Variants in LSAMP observed in about 807,000 individuals in gnomAD.
LSAMP encodes limbic system associated membrane protein.
Under a neutral mutation model 38.6 loss-of-function variants are expected in LSAMP, and 7 were observed. The ratio of observed to expected loss-of-function variants is 0.18; its 90% CI spans 0.10 to 0.34. The LOEUF is 0.34. LSAMP is among the 10% of genes least tolerant of loss of function. The pLI is 1.00. For synonymous variants in LSAMP, 154 were observed against 166.8 expected (o/e 0.92, Z 0.59); for missense variants, 313 against 420.0 (o/e 0.75, Z 2.23).
chr3:115,988,998 T>A (rs1012933689), intron 3 of LSAMP, among the ~76,000 whole-genome samples: 4 of 152,056 alleles, frequency 2.6e-5, no homozygotes, highest in African/African-American at 9.7e-5. Flanking sequence ...TTTTTCTAAA[T>A]GAGAGGAGCA....
intron 1 of LSAMP, among the ~76,000 whole-genome samples, chr3:116,332,891 A>G (rs1386904714): frequency 6.6e-6 from 1 of 152,084 alleles, no homozygotes; most frequent in East Asian, 1.9e-4. Context: ...TTTATAAGAA[A>G]TAACAAAGGG....
intron 1 of LSAMP, among the ~76,000 whole-genome samples, chr3:116,247,068 G>A (rs1189441012): frequency 1.3e-5 from 2 of 152,142 alleles, no homozygotes; most frequent in Non-Finnish European, 2.9e-5. Context: ...AAATTACATA[G>A]AACAGTATGG....
At chr3:116,159,141 G>A (rs1042444401) in intron 1 of LSAMP, among the ~76,000 whole-genome samples, 2 of 151,964 alleles carry the variant, frequency 1.3e-5, no homozygotes, top group Non-Finnish European at 2.9e-5. Flanking sequence ...AAAACCTAAA[G>A]CTATAAAAAT....
chr3:115,833,120 C>A (rs917722076), intron 6 of LSAMP, among the ~76,000 whole-genome samples: 2 of 152,056 alleles, frequency 1.3e-5, no homozygotes, highest in Non-Finnish European at 2.9e-5. Flanking sequence ...GGTACAAATG[C>A]GTATGTGTGT....
intron 1 of LSAMP, among the ~76,000 whole-genome samples, chr3:116,204,040 C>G (rs2046029161): frequency 1.3e-5 from 2 of 151,580 alleles, no homozygotes; most frequent in South Asian, 2.1e-4. Flanking sequence ...GTTCCTATTT[C>G]TCCACATCCT....
In LSAMP at chr3:116,236,116, T is replaced by C. The variant is rs140261370; in HGVS notation, c.156-149560A>G. Reference sequence around the variant, plus strand: ...TGAGACACAATGGAGCCTGATTCATTGGTAACTAGGAAAAAAACCCAACTT... The same window carrying C: ...TGAGACACAATGGAGCCTGATTCATCGGTAACTAGGAAAAAAACCCAACTT... On this transcript the variant is annotated intron_variant, in intron 1 of 6. Coordinates refer to ENST00000490035, the MANE Select transcript of LSAMP (RefSeq NM_002338.5). Among the ~76,000 whole-genome samples, 291 of 152,282 alleles carry C rather than the reference T, an allele frequency of 1.9e-3. 4 individuals carry two copies. Among genetic ancestry groups the C allele is most frequent in the African/African-American group, 6.8e-3 (283 of 41,578 alleles).
intron 1 of LSAMP, among the ~76,000 whole-genome samples, chr3:116,294,644 C>T (rs1035767987): frequency 1.1e-4 from 17 of 151,986 alleles, no homozygotes; most frequent in Non-Finnish European, 7.4e-5. Context: ...TAACACACAA[C>T]GTTACAAGCT....
At position 116,062,515 on chromosome 3, in the gene LSAMP, CA is replaced by C. The variant is rs921882530; in HGVS notation, c.388+23808del. ...TGGGCGACAGAGCGAGACTCCCTCTCAAAAAAAAATTAAAAATTAAAAAGTA... is the reference window on the plus strand; with the variant it reads ...TGGGCGACAGAGCGAGACTCCCTCTCAAAAAAAATTAAAAATTAAAAAGTA... On this transcript the variant is annotated intron_variant, in intron 2 of 6. Coordinates refer to ENST00000490035, the MANE Select transcript of LSAMP (RefSeq NM_002338.5). Among the ~76,000 whole-genome samples the C allele has an allele frequency of 8.0e-5, 12 of 150,752 alleles. No individual in the cohort carries two copies. The East Asian group carries it at 1.4e-3, about 17-fold the overall frequency.
At chr3:116,205,931 G>A (rs1168922052) in intron 1 of LSAMP, among the ~76,000 whole-genome samples, 1 of 145,740 alleles carries the variant, frequency 6.9e-6, no homozygotes, top group Non-Finnish European at 1.5e-5. Flanking sequence ...ATGAGTTAGG[G>A]AGGATTCCCT....
chr3:116,126,903 G>A (rs1472711907), intron 1 of LSAMP, among the ~76,000 whole-genome samples: 2 of 152,114 alleles, frequency 1.3e-5, no homozygotes, highest in Non-Finnish European at 2.9e-5. Context: ...AGGGAGATGA[G>A]GAAATTATGT....
intron 1 of LSAMP, among the ~76,000 whole-genome samples, chr3:116,442,140 C>G (rs1018844822): frequency 4.6e-5 from 7 of 152,126 alleles, no homozygotes; most frequent in African/African-American, 1.4e-4. Context: ...CACTAAAGAT[C>G]ATAATTATAC....
intron 1 of LSAMP, among the ~76,000 whole-genome samples, chr3:116,273,276 G>T (rs2046998177): frequency 6.6e-6 from 1 of 151,890 alleles, no homozygotes. Context: ...CTTCCAAGTT[G>T]ATTCCCTGTG....
intron 1 of LSAMP, among the ~76,000 whole-genome samples, chr3:116,435,755 C>T (rs940006659): frequency 2.0e-5 from 3 of 152,126 alleles, no homozygotes; most frequent in African/African-American, 7.2e-5. Context: ...AATAAATCTA[C>T]AAGGACTATA....
intron 6 of LSAMP, among the ~76,000 whole-genome samples, chr3:115,841,358 C>T (rs79394248): frequency 1.8e-4 from 28 of 152,278 alleles, no homozygotes; most frequent in African/African-American, 6.3e-4. Flanking sequence ...TCCACCCTTC[C>T]TCTTGTGTTG....
chr3:116,059,091 T>C (rs1941546595), intron 2 of LSAMP, among the ~76,000 whole-genome samples: 1 of 152,212 alleles, frequency 6.6e-6, no homozygotes, highest in South Asian at 2.1e-4. Context: ...AGCTGCAAAG[T>C]TGCAAATGAT....
intron 2 of LSAMP, among the ~76,000 whole-genome samples, chr3:116,048,581 CA>C (rs1244769559): frequency 6.6e-6 from 1 of 152,154 alleles, no homozygotes; most frequent in Non-Finnish European, 1.5e-5. Context: ...GTAAATCTAA[CA>C]AGTCTTTTGT....
chr3:116,319,768 C>T (rs72950135), intron 1 of LSAMP, among the ~76,000 whole-genome samples: 12,203 of 150,806 alleles, frequency 0.081, 824 homozygotes, highest in African/African-American at 0.18. Context: ...AAAGCACAGG[C>T]GCTTGTAATC....
intron 1 of LSAMP, among the ~76,000 whole-genome samples, chr3:116,422,661 G>T (rs2049143302): frequency 6.6e-6 from 1 of 152,178 alleles, no homozygotes; most frequent in Non-Finnish European, 1.5e-5. Flanking sequence ...AAACTAGATT[G>T]TGATGATGGC....
At position 115,887,036 on chromosome 3, in the gene LSAMP, C is replaced by G. The variant is rs1304071102; in HGVS notation, c.515-34419G>C. ...CTATGCCAGCATCAGCAATAATTAA[C>G]ATACAAGGCATTTTATATGTTCTCG... On this transcript the variant is annotated intron_variant, in intron 3 of 6. Coordinates refer to ENST00000490035, the MANE Select transcript of LSAMP (RefSeq NM_002338.5). Among the ~76,000 whole-genome samples, 3 of 151,932 alleles carry G rather than the reference C, an allele frequency of 2.0e-5. No individual in the cohort carries two copies. In the East Asian group the frequency reaches 5.8e-4, roughly 29 times the overall value.
Sources: allele counts gnomAD v4.1 joint callset (sites outside exome capture counted in the v4.1 genomes callset), GRCh38; gene constraint gnomAD v4.1.1; transcripts MANE v1.5; gene names NCBI Gene and HGNC (gene_info 2026-07-23, HGNC 2026-07-21).